Variants in GNB5 observed in about 807,000 individuals in gnomAD.
GNB5 encodes the protein guanine nucleotide-binding protein subunit beta-5.
In GNB5, 37 loss-of-function variants were observed where a neutral mutation model predicts 55.3. The ratio of observed to expected loss-of-function variants is 0.67; its 90% CI spans 0.51 to 0.88. The LOEUF (loss-of-function observed/expected upper bound fraction) is 0.88, where lower values mean the gene tolerates loss of function less well. Ranked by LOEUF, GNB5 falls within the 40% of genes least tolerant of loss-of-function variation. GNB5 has a pLI of 0.00. For missense variants in GNB5, 476 were observed against 515.3 expected (o/e 0.92, Z 0.74); for synonymous variants, 219 against 198.5 (o/e 1.10, Z -0.87).
intron 5 of GNB5, 68 bp downstream of exon 5, chr15:52,149,816 G>A (rs1188323175): frequency 8.5e-7 from 1 of 1,172,254 alleles, no homozygotes; most frequent in African/African-American, 1.5e-5. Flanking sequence ...CGGGCAGCTG[G>A]ACCAGAGCAC....
rs1265145488 is a variant in GNB5 at position 52,179,877 on chromosome 15, C to T, written c.129G>A (p.Met43Ile). The change falls in exon 3 of 13, where the codon ATG becomes ATA. Residue 43 changes from methionine to isoleucine, a missense_variant and splice_region_variant. Transcript: ENST00000261837. Reference protein sequence around the residue: ...LSYCSTCAEIMATEGLHENET... With the variant: ...LSYCSTCAEIIATEGLHENET... ...CGTTCTCGTGCAGCCCCTCGGTTGCCATCTTCGCGCGGGGACGCAGCGGAG... is the reference window on the plus strand; with the variant it reads ...CGTTCTCGTGCAGCCCCTCGGTTGCTATCTTCGCGCGGGGACGCAGCGGAG... The T allele has an allele frequency of 2.0e-6, 3 of 1,536,400 alleles. No individual in the cohort carries two copies. The South Asian group carries it at 3.6e-5, about 18-fold the overall frequency.
At chr15:52,177,650 CAA>C (rs112539098) in intron 3 of GNB5, among the ~76,000 whole-genome samples, 31 of 92,064 alleles carry the variant, frequency 3.4e-4, no homozygotes, top group Non-Finnish European at 3.9e-4. Flanking sequence ...GACTCCGTGT[CAA>C]AAAAAAAAAA....
chr15:52,137,674 G>C (rs1029246270), intron 7 of GNB5: 1 of 1,184,326 alleles, frequency 8.4e-7, no homozygotes, highest in Non-Finnish European at 1.1e-6. Flanking sequence ...GTGTGTATGA[G>C]GCCTGGGCTC....
chr15:52,162,426 G>A (rs953447301), intron 3 of GNB5, among the ~76,000 whole-genome samples: 1 of 151,946 alleles, frequency 6.6e-6, no homozygotes, highest in Non-Finnish European at 1.5e-5. Context: ...TTCACAACAG[G>A]GTCCTTCTCA....
intron 3 of GNB5, among the ~76,000 whole-genome samples, chr15:52,159,005 G>A (rs895744194): frequency 5.9e-5 from 9 of 152,152 alleles, no homozygotes; most frequent in East Asian, 1.9e-4. Flanking sequence ...GAGCTCAGTC[G>A]AAAGGATAAA....
rs779012927 is a variant in GNB5, at chr15:52,149,850, AG to A, written c.417+33del. On this transcript the variant is annotated intron_variant, in intron 5 of 12. Coordinates refer to ENST00000261837, the MANE Select transcript of GNB5 (RefSeq NM_016194.4). ...ACCTTTAAGTAGGCTGGGATTCTGAAGCCTCTATAACGTGGCTGGGAACAAT... is the reference window on the plus strand; with the variant it reads ...ACCTTTAAGTAGGCTGGGATTCTGAACCTCTATAACGTGGCTGGGAACAAT... The A allele has an allele frequency of 7.3e-5, 112 of 1,543,048 alleles. No homozygotes were observed. The South Asian group carries it at 1.2e-3, about 17-fold the overall frequency.
At chr15:52,126,810 T>C (rs1403221109) in intron 10 of GNB5, among the ~76,000 whole-genome samples, 1 of 152,176 alleles carries the variant, frequency 6.6e-6, no homozygotes. Flanking sequence ...GTATATTTTA[T>C]TTTGAAATGG....
chr15:52,179,137 G>A (rs983176949), intron 3 of GNB5, among the ~76,000 whole-genome samples: 2 of 152,162 alleles, frequency 1.3e-5, no homozygotes, highest in Admixed American at 1.3e-4. Context: ...GCTTTTTTAT[G>A]CCAATCCACC....
At chr15:52,153,077 C>T (rs1354618114) in intron 4 of GNB5, among the ~76,000 whole-genome samples, 2 of 152,240 alleles carry the variant, frequency 1.3e-5, no homozygotes, top group Admixed American at 6.5e-5. Flanking sequence ...TCTATAGTCT[C>T]TTTCCTCTGT....
chr15:52,178,567 G>C, intron 3 of GNB5, among the ~76,000 whole-genome samples: 1 of 152,168 alleles, frequency 6.6e-6, no homozygotes, highest in Non-Finnish European at 1.5e-5. Context: ...AACAACAGCA[G>C]GTGATCATCC....
At chr15:52,183,421 G>A (rs1357959554) in intron 2 of GNB5, among the ~76,000 whole-genome samples, 2 of 152,080 alleles carry the variant, frequency 1.3e-5, no homozygotes, top group Non-Finnish European at 2.9e-5. Flanking sequence ...AAGTTAGAAC[G>A]TAGACTGTAG....
intron 5 of GNB5, chr15:52,149,227 T>A: frequency 6.5e-6 from 1 of 152,838 alleles, no homozygotes; most frequent in Non-Finnish European, 1.5e-5. Flanking sequence ...ACAGGTCTCA[T>A]GTTTTTCATA....
intron 8 of GNB5, 82 bp from the exon 9 acceptor site, chr15:52,133,551 G>T: frequency 1.1e-6 from 1 of 871,522 alleles, no homozygotes; most frequent in South Asian, 1.4e-5. Context: ...ATATAACACA[G>T]ACCATTTATT....
At chr15:52,143,503 T>G (rs1447427815) in intron 6 of GNB5, among the ~76,000 whole-genome samples, 1 of 152,202 alleles carries the variant, frequency 6.6e-6, no homozygotes, top group Non-Finnish European at 1.5e-5. Context: ...AATACCTGAA[T>G]GAAAGCTTCT....
Position 52,184,573 on chromosome 15 carries a change from T to C in GNB5, c.104A>G (p.Tyr35Cys). 1 of 1,613,690 alleles carries C rather than the reference T, an allele frequency of 6.2e-7. No homozygotes were observed. Among genetic ancestry groups the C allele is most frequent in the Non-Finnish European group, 8.5e-7 (1 of 1,179,572 alleles). The change falls in exon 2 of 13, where the codon TAC becomes TGC. Residue 35 changes from tyrosine (Y) to cysteine (C), a missense_variant. Physicochemically the swap from Tyr to Cys is radical, Grantham distance 194 (BLOSUM62 -2). Coordinates refer to ENST00000261837, the MANE Select transcript of GNB5 (RefSeq NM_016194.4). ...PVFKKSQQLS[Y>C]CSTCAEIMAT... ...TACAATTTCTGCACATGTTGAACAGTAGCTGAGTTGTTGAGACTTCTTGAA... is the reference window on the plus strand; with the variant it reads ...TACAATTTCTGCACATGTTGAACAGCAGCTGAGTTGTTGAGACTTCTTGAA...
At chr15:52,136,644 C>T (rs2033730855) in intron 7 of GNB5, among the ~76,000 whole-genome samples, 2 of 152,132 alleles carry the variant, frequency 1.3e-5, no homozygotes, top group African/African-American at 4.8e-5. Flanking sequence ...CTTCCCAGGA[C>T]CACTGACGGG....
chr15:52,158,199 G>A (rs976441214), intron 3 of GNB5, among the ~76,000 whole-genome samples: 1 of 152,068 alleles, frequency 6.6e-6, no homozygotes, highest in Non-Finnish European at 1.5e-5. Context: ...GGATTTGGGG[G>A]CTTGGGTCAA....
At chr15:52,128,951 CTCCTT>C (rs1022440073) in intron 9 of GNB5, among the ~76,000 whole-genome samples, 7 of 138,400 alleles carry the variant, frequency 5.1e-5, no homozygotes, top group Non-Finnish European at 7.5e-5. Flanking sequence ...TCCATTGTTT[CTCCTT>C]TTTTTTTTTT....
intron 7 of GNB5, chr15:52,139,756 G>A: frequency 1.7e-6 from 2 of 1,181,488 alleles, no homozygotes; most frequent in Non-Finnish European, 2.2e-6. Context: ...GTAGCCAGCT[G>A]TGACTTCCCT....
Sources: allele counts gnomAD v4.1 joint callset (sites outside exome capture counted in the v4.1 genomes callset), GRCh38; gene constraint gnomAD v4.1.1; transcripts MANE v1.5; gene names NCBI Gene and HGNC (gene_info 2026-07-23, HGNC 2026-07-21).